The following EIF4A2 variants were observed in gnomAD, a reference collection of about 807,000 sequenced individuals.
The protein encoded by EIF4A2 is eukaryotic initiation factor 4A-II.
Under a neutral mutation model 50.6 loss-of-function variants are expected in EIF4A2, and 9 were observed. That is an observed-to-expected ratio of 0.18 (90% confidence interval 0.11 to 0.31). EIF4A2 has a LOEUF of 0.31. EIF4A2 is among the 10% of genes least tolerant of loss of function. The pLI is 1.00. For synonymous variants in EIF4A2, 215 were observed against 164.4 expected (o/e 1.31, Z -2.35); for missense variants, 182 against 501.8 (o/e 0.36, Z 6.09).
chr3:186,784,418 A>T lies in EIF4A2; in HGVS notation c.30-14A>T. 6.2e-7 allele frequency: 1 copy of T among 1,614,234 alleles called. No homozygotes were observed. Among genetic ancestry groups the T allele is most frequent in the South Asian group, 1.1e-5 (1 of 91,080 alleles). On this transcript the variant is annotated splice_polypyrimidine_tract_variant and intron_variant, in intron 1 of 10. Transcript: ENST00000323963. ...CCTGGAAGGGGTGTCTGACTGCAGT[A>T]TTCTTGTCAGCAGAGAACATGGCGG... is the stretch of plus-strand genomic sequence containing the variant.
intron 10 of EIF4A2, 76 bp downstream of exon 10, chr3:186,787,958 T>G: frequency 6.9e-7 from 1 of 1,450,044 alleles, no homozygotes; most frequent in Non-Finnish European, 9.6e-7. Context: ...AAAGGTAACA[T>G]CAAATCAAGG....
In EIF4A2 at chr3:186,784,370, C is replaced by T. The variant is rs918523575; in HGVS notation, c.30-62C>T. 15 of 1,612,546 alleles carry T rather than the reference C, an allele frequency of 9.3e-6. No homozygotes were observed. The African/African-American group carries it at 9.3e-5, about 10-fold the overall frequency. On this transcript the variant is annotated intron_variant, in intron 1 of 10. Transcript: ENST00000323963. Reference sequence around the variant, plus strand: ...CTGAGACGGGTTGCAAAGGGCTATGCGCTTAAGGTGCAGTTGAGGTGGCCT... The same window carrying T: ...CTGAGACGGGTTGCAAAGGGCTATGTGCTTAAGGTGCAGTTGAGGTGGCCT...
intron 5 of EIF4A2, 48 bp downstream of exon 5, chr3:186,786,099 G>C: frequency 6.2e-7 from 1 of 1,600,812 alleles, no homozygotes; most frequent in Non-Finnish European, 8.6e-7. Flanking sequence ...TGTTAACATA[G>C]TTGAAAAGTC....
chr3:186,789,044 G>T, intron 10 of EIF4A2, 81 bp from the exon 11 acceptor site: 1 of 1,503,772 alleles, frequency 6.6e-7, no homozygotes, highest in Non-Finnish European at 8.9e-7. Context: ...AACAGCAGCT[G>T]GTGGTTAACA....
rs1405428014 is a variant in EIF4A2 at position 186,789,845 on chromosome 3, G to A, written c.*576G>A. On this transcript the variant is annotated 3_prime_UTR_variant, in exon 11 of 11. Coordinates refer to ENST00000323963, the MANE Select transcript of EIF4A2 (RefSeq NM_001967.4). The stretch of plus-strand genomic sequence containing the variant: ...TAATCCCCAGTAAAATTGCCATATT[G>A]CACATGTCTTAATGAAGTTTGAATG... 1 of 705,330 alleles carries A rather than the reference G, an allele frequency of 1.4e-6. No homozygotes were observed. The highest frequency in any genetic ancestry group is 2.4e-6 in the Non-Finnish European group (1 of 423,792). The allele number at this position is 705,330 out of a possible 1,614,324, so 43.7% of individuals were successfully genotyped here. A position where few individuals can be genotyped will look rare whatever the true frequency, so the allele number is the denominator to read the frequency against.
At chr3:186,787,693 A>G in intron 9 of EIF4A2, 109 bp downstream of exon 9, 3 of 1,579,818 alleles carry the variant, frequency 1.9e-6, no homozygotes, top group Non-Finnish European at 2.6e-6. Context: ...AAAAGACCAC[A>G]CTCCACAGTG....
chr3:186,783,763 C>A, intron 1 of EIF4A2, 124 bp downstream of exon 1: 2 of 1,480,346 alleles, frequency 1.4e-6, no homozygotes, highest in South Asian at 1.1e-5. Context: ...TACAGCACTC[C>A]TGTGCCCTTC....
At chr3:186,788,981 G>T in intron 10 of EIF4A2, 144 bp from the exon 11 acceptor site, 1 of 1,174,980 alleles carries the variant, frequency 8.5e-7, no homozygotes, top group Non-Finnish European at 1.2e-6. Context: ...CTCTAGATAT[G>T]CATTAGCAGC....
At chr3:186,786,714 AGGACCATGTCTTG>A (rs1560085370) in intron 7 of EIF4A2, 69 bp downstream of exon 7, 1 of 1,601,246 alleles carries the variant, frequency 6.2e-7, no homozygotes, top group East Asian at 2.2e-5. Context: ...TGCAGACACT[AGGACCATGTCTTG>A]GTTTTTGCAA....
Position 186,785,014 on chromosome 3 carries a change from T to C in EIF4A2, c.261T>C (p.Phe87=). Residue 87 remains phenylalanine (F), a synonymous_variant, in exon 4 of 11, where the codon TTT becomes TTC. Coordinates refer to ENST00000323963, the MANE Select transcript of EIF4A2 (RefSeq NM_001967.4). ...CAGGTACTGGCAAGACAGCCACATT[T>C]GCTATTTCCATCCTGCAACAGTTGG... is the stretch of plus-strand genomic sequence containing the variant. ...AQSGTGKTAT[F]AISILQQLEI... is the part of the protein sequence containing the mutation. 1 of 1,614,210 alleles carries C rather than the reference T, an allele frequency of 6.2e-7. No individual in the cohort carries two copies. Among genetic ancestry groups the C allele is most frequent in the Non-Finnish European group, 8.5e-7 (1 of 1,180,042 alleles).
intron 3 of EIF4A2, 47 bp from the exon 4 acceptor site, chr3:186,784,915 T>G (rs748935479): frequency 6.2e-7 from 1 of 1,613,978 alleles, no homozygotes; most frequent in East Asian, 2.2e-5. Context: ...GAAGTAGAAG[T>G]GACAATTTGA....
chr3:186,789,078 T>G, intron 10 of EIF4A2, 47 bp from the exon 11 acceptor site: 1 of 1,597,208 alleles, frequency 6.3e-7, no homozygotes, highest in Non-Finnish European at 8.5e-7. Flanking sequence ...GTTCAGTAGT[T>G]TATACATTAT....
At chr3:186,785,483 A>G (rs1721639416) in intron 4 of EIF4A2, 3 of 300,998 alleles carry the variant, frequency 1.0e-5, no homozygotes, top group Non-Finnish European at 1.9e-5. Context: ...TTTGAAGTAA[A>G]CCTTCCTAAT....
At chr3:186,786,974 AC>A (rs2108459421) in intron 7 of EIF4A2, 152 bp from the exon 8 acceptor site, 1 of 1,193,806 alleles carries the variant, frequency 8.4e-7, no homozygotes, top group East Asian at 2.4e-5. Flanking sequence ...CTTTCTTGAA[AC>A]CCTGGTCTGG....
intron 4 of EIF4A2, chr3:186,785,400 C>A (rs1472678090): frequency 2.1e-5 from 9 of 424,142 alleles, no homozygotes; most frequent in Non-Finnish European, 3.8e-5. Context: ...TGACATGTTA[C>A]CATTTGACTG....
chr3:186,788,849 A>G (rs1721946942), intron 10 of EIF4A2: 3 of 353,458 alleles, frequency 8.5e-6, no homozygotes, highest in Non-Finnish European at 1.5e-5. Context: ...TAATTTCACT[A>G]CCCCAAACAC....
intron 9 of EIF4A2, 47 bp downstream of exon 9, chr3:186,787,631 TG>T (rs762251290): frequency 1.2e-6 from 2 of 1,612,406 alleles, no homozygotes; most frequent in South Asian, 1.1e-5. Flanking sequence ...GTTAGCTTTT[TG>T]GGGGGCAGGT....
At chr3:186,785,186 T>C (rs1721616609) in intron 4 of EIF4A2, 85 bp downstream of exon 4, 1 of 1,565,884 alleles carries the variant, frequency 6.4e-7, no homozygotes, top group Non-Finnish European at 8.6e-7. Context: ...AAACTTAGTA[T>C]AAATTGGTCC....
intron 8 of EIF4A2, 107 bp from the exon 9 acceptor site, chr3:186,787,388 C>G (rs1306307586): frequency 6.2e-6 from 10 of 1,606,712 alleles, no homozygotes; most frequent in Non-Finnish European, 8.5e-6. Flanking sequence ...CTATACCTGT[C>G]TGCTATTCTC....
Sources: allele counts gnomAD v4.1 joint callset, GRCh38; gene constraint gnomAD v4.1.1; transcripts MANE v1.5; gene names NCBI Gene and HGNC (gene_info 2026-07-23, HGNC 2026-07-21).